PTPRK: variants seen among roughly 807,000 people sequenced by gnomAD.
PTPRK encodes protein tyrosine phosphatase receptor type K.
In PTPRK, 75 loss-of-function variants were observed where a neutral mutation model predicts 178.0. That is an observed-to-expected ratio of 0.42 (90% CI 0.35 to 0.51). The LOEUF (loss-of-function observed/expected upper bound fraction) is 0.51, where lower values mean the gene tolerates loss of function less well. PTPRK is among the 20% of genes least tolerant of loss of function. The probability of loss-of-function intolerance (pLI) is 0.02; values close to 1 mark genes in which losing one functional copy is unlikely to be tolerated. For missense variants in PTPRK, 1,441 were observed against 1,797.8 expected (o/e 0.80, Z 3.59); for synonymous variants, 637 against 620.6 (o/e 1.03, Z -0.39).
chr6:128,228,847 TACAG>T (rs1811841655), intron 5 of PTPRK, among the ~76,000 whole-genome samples: 1 of 152,230 alleles, frequency 6.6e-6, no homozygotes, highest in South Asian at 2.1e-4. Flanking sequence ...AAAAAATAGG[TACAG>T]ACAGACACCA....
chr6:128,161,345 G>T lies in PTPRK; in HGVS notation c.1162+23087C>A, dbSNP rs539588236. 7.3e-4 allele frequency among the ~76,000 whole-genome samples: 110 copies of T among 151,586 alleles called. 1 individual carries two copies. The highest frequency in any genetic ancestry group is 2.5e-3 in the African/African-American group (104 of 41,476). Reference sequence around the variant, plus strand: ...ATTGTCAATGTGTATTCCATAGCTTGTTATGATTTATCTTCATCACCCACA... The same window carrying T: ...ATTGTCAATGTGTATTCCATAGCTTTTTATGATTTATCTTCATCACCCACA... On this transcript the variant is annotated intron_variant, in intron 7 of 29. Coordinates refer to ENST00000368226, the MANE Select transcript of PTPRK (RefSeq NM_002844.4).
chr6:128,416,246 C>T (rs569569075), intron 1 of PTPRK, among the ~76,000 whole-genome samples: 5 of 151,740 alleles, frequency 3.3e-5, no homozygotes, highest in Non-Finnish European at 7.4e-5. Flanking sequence ...TGACGACCAC[C>T]ACACACACAA....
intron 3 of PTPRK, among the ~76,000 whole-genome samples, chr6:128,289,870 C>CT (rs1275800327): frequency 6.6e-6 from 1 of 152,092 alleles, no homozygotes; most frequent in Non-Finnish European, 1.5e-5. Context: ...TAATTTAACA[C>CT]TTTGTTTTTC....
chr6:128,050,131 C>T (rs1028695160), intron 13 of PTPRK, among the ~76,000 whole-genome samples: 7 of 143,088 alleles, frequency 4.9e-5, no homozygotes, highest in African/African-American at 1.2e-4. Context: ...AGTGAAATTC[C>T]GCCTCAAGAA....
rs150384131 is a variant in PTPRK, at chr6:128,019,344, G to A, written c.2195-10076C>T. On this transcript the variant is annotated intron_variant, in intron 13 of 29. Transcript: ENST00000368226. Reference sequence around the variant, plus strand: ...AACACTGCCTTTTCAAAACATGGGGGTGAGGTGGGGGATACAATAGAGGTG... The same window carrying A: ...AACACTGCCTTTTCAAAACATGGGGATGAGGTGGGGGATACAATAGAGGTG... 2.9e-3 allele frequency among the ~76,000 whole-genome samples: 441 copies of A among 152,198 alleles called. 1 individual carries two copies. Among genetic ancestry groups the A allele is most frequent in the Middle Eastern group, 0.01 (3 of 294 alleles).
intron 1 of PTPRK, among the ~76,000 whole-genome samples, chr6:128,428,022 G>A (rs1327712998): frequency 2.0e-5 from 3 of 152,118 alleles, no homozygotes; most frequent in African/African-American, 7.2e-5. Flanking sequence ...GAACCCGGGA[G>A]GCGGAGATTG....
chr6:128,382,268 A>G (rs1024458069), intron 2 of PTPRK, among the ~76,000 whole-genome samples: 2 of 151,918 alleles, frequency 1.3e-5, no homozygotes, highest in Non-Finnish European at 2.9e-5. Flanking sequence ...TTCTGTGTGT[A>G]AAAATACTAG....
At chr6:128,436,514 TTCA>T (rs1382770251) in intron 1 of PTPRK, among the ~76,000 whole-genome samples, 3 of 152,156 alleles carry the variant, frequency 2.0e-5, no homozygotes, top group African/African-American at 7.2e-5. Context: ...TGACACTAAT[TTCA>T]TCAATTGAGA....
intron 1 of PTPRK, among the ~76,000 whole-genome samples, chr6:128,400,731 T>G (rs1840909596): frequency 6.6e-6 from 1 of 152,170 alleles, no homozygotes; most frequent in African/African-American, 2.4e-5. Context: ...TCCTCTATCA[T>G]ACGTGGTCCT....
At chr6:128,274,822 G>GA (rs1043418809) in intron 3 of PTPRK, among the ~76,000 whole-genome samples, 5 of 151,946 alleles carry the variant, frequency 3.3e-5, no homozygotes, top group Non-Finnish European at 7.4e-5. Context: ...AGATTATCAA[G>GA]AAAAAATTCA....
intron 2 of PTPRK, among the ~76,000 whole-genome samples, chr6:128,382,987 T>G (rs1838163144): frequency 6.6e-6 from 1 of 152,196 alleles, no homozygotes; most frequent in Admixed American, 6.5e-5. Flanking sequence ...AGGGAGAAAC[T>G]TAGACTTTAT....
At chr6:128,264,622 G>A (rs1364727675) in intron 3 of PTPRK, among the ~76,000 whole-genome samples, 1 of 151,952 alleles carries the variant, frequency 6.6e-6, no homozygotes, top group Non-Finnish European at 1.5e-5. Flanking sequence ...GTGAATAACT[G>A]GGACTACAGG....
rs1438012243 is a variant in PTPRK, at chr6:127,977,196, C to T, written c.3712-142G>A. ...AGAAGGAGCCAGAGTGATGATTAAA[C>T]CATGGAATAGGAGATTCAGACCACT... is the stretch of plus-strand genomic sequence containing the variant. On this transcript the variant is annotated intron_variant, in intron 25 of 29. Coordinates refer to ENST00000368226, the MANE Select transcript of PTPRK (RefSeq NM_002844.4). 20 of 790,220 alleles carry T rather than the reference C, an allele frequency of 2.5e-5. No individual in the cohort carries two copies. In the Admixed American group the frequency reaches 4.6e-4, roughly 18 times the overall value. The allele number at this position is 790,220 out of a possible 1,614,324, so 49.0% of individuals were successfully genotyped here. A position where few individuals can be genotyped will look rare whatever the true frequency, so the allele number is the denominator to read the frequency against.
intron 3 of PTPRK, among the ~76,000 whole-genome samples, chr6:128,267,555 T>A (rs1256220284): frequency 6.6e-6 from 1 of 152,098 alleles, no homozygotes; most frequent in Non-Finnish European, 1.5e-5. Context: ...CTGTGTAACT[T>A]CCTCTCCAAT....
chr6:128,082,420 T>C lies in PTPRK; in HGVS notation c.1777+17A>G. 3 of 1,573,454 alleles carry C rather than the reference T, an allele frequency of 1.9e-6. No homozygotes were observed. The South Asian group carries it at 3.3e-5, about 17-fold the overall frequency. ...ATGGCATAATCAATCCTATTTGTAA[T>C]TTATTCATTTGCATACCTGAGATAT... On this transcript the variant is annotated intron_variant, in intron 10 of 29. Transcript: ENST00000368226.
rs544393451 is a variant in PTPRK at position 128,447,814 on chromosome 6, G to A, written c.101-50126C>T. 1.1e-4 allele frequency among the ~76,000 whole-genome samples: 17 copies of A among 151,978 alleles called. 1 individual carries two copies. The South Asian group carries it at 2.7e-3, about 24-fold the overall frequency. Reference sequence around the variant, plus strand: ...AATTTTTGTATTTTTAGTAGAGATGGGGTTTCACCATATTGGTCAGGCTTG... The same window carrying A: ...AATTTTTGTATTTTTAGTAGAGATGAGGTTTCACCATATTGGTCAGGCTTG... On this transcript the variant is annotated intron_variant, in intron 1 of 29. Transcript: ENST00000368226.
At chr6:128,437,608 C>G (rs796138379) in intron 1 of PTPRK, among the ~76,000 whole-genome samples, 14 of 152,158 alleles carry the variant, frequency 9.2e-5, no homozygotes, top group South Asian at 4.1e-4. Context: ...GACTCCAAAG[C>G]CTTAGCGATT....
chr6:128,373,420 T>A (rs1470424816), intron 2 of PTPRK, among the ~76,000 whole-genome samples: 1 of 152,208 alleles, frequency 6.6e-6, no homozygotes, highest in Non-Finnish European at 1.5e-5. Context: ...ATGTTTATCA[T>A]TAGTTGTATA....
At position 128,361,843 on chromosome 6, in the gene PTPRK, T is replaced by G. The variant is rs1834806096; in HGVS notation, c.223+35723A>C. On this transcript the variant is annotated intron_variant, in intron 2 of 29. Transcript: ENST00000368226. ...ATTTAAATAATAAAAAGTTCTTTAG[T>G]TCATCTAAATAAAGGCATTTTTGTC... is the stretch of plus-strand genomic sequence containing the variant. Among the ~76,000 whole-genome samples, 3 of 152,276 alleles carry G rather than the reference T, an allele frequency of 2.0e-5. No individual in the cohort carries two copies. The South Asian group carries it at 6.2e-4, about 32-fold the overall frequency.
Sources: gnomAD v4.1 joint callset for allele counts (sites outside exome capture counted in the v4.1 genomes callset) on GRCh38, gnomAD v4.1.1 for gene constraint, MANE v1.5 for transcripts, NCBI Gene and HGNC (gene_info 2026-07-23, HGNC 2026-07-21) for gene names.